Variants in ADAMTS20 observed in about 807,000 individuals in gnomAD.
ADAMTS20 encodes ADAM metallopeptidase with thrombospondin type 1 motif 20.
ADAMTS20 carries 225 observed loss-of-function variants against 260.1 expected under a neutral mutation model. The ratio of observed to expected loss-of-function variants is 0.87; its 90% confidence interval spans 0.78 to 0.97. The LOEUF is 0.97. ADAMTS20 is among the 50% of genes least tolerant of loss of function. The probability of loss-of-function intolerance (pLI) is 0.00; values close to 1 mark genes in which losing one functional copy is unlikely to be tolerated. For missense variants in ADAMTS20, 2,400 were observed against 2,337.7 expected (o/e 1.03, Z -0.55); for synonymous variants, 802 against 769.5 (o/e 1.04, Z -0.70).
rs1214878172 is a variant in ADAMTS20, at chr12:43,376,581, C to T, written c.5068G>A (p.Asp1690Asn). 1.2e-6 allele frequency: 2 copies of T among 1,613,560 alleles called. No homozygotes were observed. The change falls in exon 33 of 39, where the codon GAC becomes AAC. Residue 1690 changes from aspartate (D) to asparagine (N), a missense_variant. Physicochemically the swap from Asp to Asn is conservative, Grantham distance 23. Transcript: ENST00000389420. ...KCITKHGLSSDLCLNHLKPGA... is the reference protein window; with the variant it reads ...KCITKHGLSSNLCLNHLKPGA... Reference sequence around the variant, plus strand: ...GGTTTTAAATGGTTTAAACATAAGTCACTGGACAAACCATGTTTGGTAATG... The same window carrying T: ...GGTTTTAAATGGTTTAAACATAAGTTACTGGACAAACCATGTTTGGTAATG...
chr12:43,374,291 A>C (rs548441600), intron 36 of ADAMTS20, among the ~76,000 whole-genome samples: 1 of 152,234 alleles, frequency 6.6e-6, no homozygotes, highest in African/African-American at 2.4e-5. Flanking sequence ...TTATATATTC[A>C]TGCATATACT....
intron 31 of ADAMTS20, among the ~76,000 whole-genome samples, chr12:43,377,803 T>C (rs1340983620): frequency 2.0e-5 from 3 of 150,988 alleles, no homozygotes; most frequent in Non-Finnish European, 4.4e-5. Flanking sequence ...TGTGTGTGCG[T>C]GTGTGTGTGT....
intron 2 of ADAMTS20, among the ~76,000 whole-genome samples, chr12:43,543,446 C>A (rs959445344): frequency 6.6e-6 from 1 of 152,166 alleles, no homozygotes; most frequent in Non-Finnish European, 1.5e-5. Context: ...CTTTCTGTAG[C>A]AAGTTGGGGT....
At chr12:43,505,084 T>C (rs991141673) in intron 3 of ADAMTS20, among the ~76,000 whole-genome samples, 4 of 152,184 alleles carry the variant, frequency 2.6e-5, no homozygotes, top group African/African-American at 9.7e-5. Context: ...CCCTTGTGTA[T>C]ATGATCAAAT....
chr12:43,482,318 C>A (rs11182106), intron 7 of ADAMTS20, among the ~76,000 whole-genome samples: 14,330 of 152,232 alleles, frequency 0.094, 813 homozygotes, highest in Middle Eastern at 0.11. Flanking sequence ...AGCTGGACAC[C>A]TTTGCTTCAT....
chr12:43,440,178 G>C (rs10785431), intron 16 of ADAMTS20, 109 bp from the exon 17 acceptor site: 529,285 of 742,256 alleles, frequency 0.71, 195,503 homozygotes, highest in East Asian at 1. Flanking sequence ...GAGTCTTGCT[G>C]TATCTCCCAG....
intron 2 of ADAMTS20, among the ~76,000 whole-genome samples, chr12:43,534,200 A>G (rs1943262371): frequency 7.3e-6 from 1 of 137,652 alleles, no homozygotes; most frequent in African/African-American, 2.7e-5. Flanking sequence ...AACCTACAAC[A>G]TGGGAGAAAA....
Position 43,466,785 on chromosome 12 carries a change from G to A in ADAMTS20, c.1234C>T (p.Gln412Ter), listed in dbSNP as rs1271522900. The A allele has an allele frequency of 6.3e-7, 1 of 1,592,366 alleles. No individual in the cohort carries two copies. The highest frequency in any genetic ancestry group is 1.8e-5 in the Admixed American group (1 of 56,794). ...TTACATCTAGGATTATCATCATGTT[G>A]AACACCAAGTCTAAAAATAAAAATA... ...AHELGHTLGV[Q>*]HDDNPRCKEM... The change falls in exon 9 of 39, where the codon CAA becomes TAA. Residue 412 changes from glutamine (Q) to a stop codon, truncating the protein, a stop_gained. Transcript: ENST00000389420. LOFTEE classifies it high-confidence loss of function.
intron 11 of ADAMTS20, among the ~76,000 whole-genome samples, chr12:43,462,153 T>G (rs1284368689): frequency 1.3e-5 from 2 of 152,236 alleles, no homozygotes; most frequent in Non-Finnish European, 2.9e-5. Flanking sequence ...CAGTTTATCT[T>G]TTTTGGCTAA....
At chr12:43,359,948 A>C (rs568376917) in intron 37 of ADAMTS20, among the ~76,000 whole-genome samples, 23 of 152,356 alleles carry the variant, frequency 1.5e-4, no homozygotes, top group African/African-American at 5.0e-4. Flanking sequence ...GATTTCTCAG[A>C]AATGACTCTA....
At chr12:43,395,461 A>G (rs1940679938) in intron 29 of ADAMTS20, among the ~76,000 whole-genome samples, 1 of 152,160 alleles carries the variant, frequency 6.6e-6, no homozygotes, top group South Asian at 2.1e-4. Context: ...TCTAGCATTT[A>G]GCATACAGTT....
At chr12:43,403,431 G>A (rs934102956) in intron 28 of ADAMTS20, among the ~76,000 whole-genome samples, 1 of 151,980 alleles carries the variant, frequency 6.6e-6, no homozygotes. Context: ...ATCTGGCACT[G>A]TATCCTTTCT....
At chr12:43,441,705 T>A (rs1008402015) in intron 16 of ADAMTS20, among the ~76,000 whole-genome samples, 1 of 152,216 alleles carries the variant, frequency 6.6e-6, no homozygotes, top group African/African-American at 2.4e-5. Flanking sequence ...AATACTTTTT[T>A]GCTTGCTTAA....
At chr12:43,497,101 T>A (rs564659053) in intron 4 of ADAMTS20, among the ~76,000 whole-genome samples, 2 of 152,202 alleles carry the variant, frequency 1.3e-5, no homozygotes, top group East Asian at 3.8e-4. Context: ...TTTTTATTGA[T>A]CTACTTAAAA....
intron 31 of ADAMTS20, among the ~76,000 whole-genome samples, chr12:43,380,149 A>G (rs951642097): frequency 6.6e-6 from 1 of 152,228 alleles, no homozygotes; most frequent in Non-Finnish European, 1.5e-5. Context: ...ATGAAAGTCA[A>G]TCTATGTAAT....
At chr12:43,456,579 A>G (rs1314748789) in intron 11 of ADAMTS20, among the ~76,000 whole-genome samples, 1 of 152,212 alleles carries the variant, frequency 6.6e-6, no homozygotes, top group Non-Finnish European at 1.5e-5. Flanking sequence ...GCACTCGAAC[A>G]TAAATTTAAG....
At chr12:43,447,945 G>T (rs1941793026) in intron 14 of ADAMTS20, among the ~76,000 whole-genome samples, 1 of 152,002 alleles carries the variant, frequency 6.6e-6, no homozygotes, top group Admixed American at 6.6e-5. Flanking sequence ...GGAGGTGAAA[G>T]ATCTCTACAA....
chr12:43,373,782 C>T (rs1235445317), intron 36 of ADAMTS20, among the ~76,000 whole-genome samples: 2 of 149,114 alleles, frequency 1.3e-5, no homozygotes, highest in African/African-American at 4.9e-5. Context: ...TGGGTTCACG[C>T]CATTCTCCTG....
At chr12:43,476,359 G>A (rs1942353260) in intron 7 of ADAMTS20, among the ~76,000 whole-genome samples, 1 of 35,792 alleles carries the variant, frequency 2.8e-5, no homozygotes, top group African/African-American at 1.2e-4. Context: ...GTGCTGGAGA[G>A]GATGTGGAGA....
Sources: gnomAD v4.1 joint callset for allele counts (sites outside exome capture counted in the v4.1 genomes callset) on GRCh38, gnomAD v4.1.1 for gene constraint, MANE v1.5 for transcripts, NCBI Gene and HGNC (gene_info 2026-07-23, HGNC 2026-07-21) for gene names.